The following PSMA5 variants were observed in gnomAD, a reference collection of about 807,000 sequenced individuals.
The protein encoded by PSMA5 is proteasome subunit alpha type-5.
Under a neutral mutation model 34.5 loss-of-function variants are expected in PSMA5, and 3 were observed. The ratio of observed to expected loss-of-function variants is 0.09; its 90% CI spans 0.04 to 0.22. The LOEUF (loss-of-function observed/expected upper bound fraction) is 0.22. PSMA5 is among the 10% of genes least tolerant of loss of function. The pLI, the probability that PSMA5 is intolerant of heterozygous loss-of-function variation, is 1.00. For synonymous variants in PSMA5, 88 were observed against 95.8 expected, an observed-to-expected ratio of 0.92 and a Z score of 0.47; for missense variants, 120 against 286.1, an observed-to-expected ratio of 0.42 and a Z score of 4.19.
At chr1:109,410,734 C>T (rs896779644) in intron 7 of PSMA5, among the ~76,000 whole-genome samples, 1 of 152,188 alleles carries the variant, frequency 6.6e-6, no homozygotes, top group African/African-American at 2.4e-5. Flanking sequence ...TTAAACAAAA[C>T]AGATACAAAC....
intron 2 of PSMA5, among the ~76,000 whole-genome samples, chr1:109,419,893 G>A (rs1571029525): frequency 6.7e-6 from 1 of 149,962 alleles, no homozygotes; most frequent in Admixed American, 6.6e-5. Context: ...AGGATCACTT[G>A]AGCCTGGTAG....
At chr1:109,402,931 C>T (rs1385032902) in intron 8 of PSMA5, among the ~76,000 whole-genome samples, 1 of 152,106 alleles carries the variant, frequency 6.6e-6, no homozygotes, top group African/African-American at 2.4e-5. Flanking sequence ...TCTCGAACTC[C>T]CAACCTCAGG....
chr1:109,413,777 A>G (rs2100964873), intron 3 of PSMA5, among the ~76,000 whole-genome samples: 1 of 152,344 alleles, frequency 6.6e-6, no homozygotes, highest in African/African-American at 2.4e-5. Context: ...TTTCCCTTCC[A>G]GACCCCGTCT....
At chr1:109,407,716 A>G (rs1653834883) in intron 8 of PSMA5, among the ~76,000 whole-genome samples, 1 of 152,082 alleles carries the variant, frequency 6.6e-6, no homozygotes, top group Admixed American at 6.6e-5. Flanking sequence ...ATCTCAGCTC[A>G]CTGCAACCTC....
At chr1:109,422,505 C>G (rs1557846031) in intron 1 of PSMA5, among the ~76,000 whole-genome samples, 1 of 137,290 alleles carries the variant, frequency 7.3e-6, no homozygotes, top group Non-Finnish European at 1.5e-5. Flanking sequence ...TTTTTTGAGA[C>G]AGAGTCTCGC....
intron 1 of PSMA5, among the ~76,000 whole-genome samples, chr1:109,424,945 C>A (rs1201250640): frequency 1.3e-5 from 2 of 152,168 alleles, no homozygotes; most frequent in African/African-American, 2.4e-5. Flanking sequence ...CGAGATCATG[C>A]CACTGCACTG....
chr1:109,426,007 C>T, intron 1 of PSMA5: 1 of 550,428 alleles, frequency 1.8e-6, no homozygotes, highest in Non-Finnish European at 3.3e-6. Flanking sequence ...TGGCCTTCTC[C>T]GGGTTCAAGG....
Position 109,412,125 on chromosome 1 carries a change from G to A in PSMA5, c.351C>T (p.Ser117=), listed in dbSNP as rs1442561153. The A allele has an allele frequency of 6.2e-7, 1 of 1,613,934 alleles. No homozygotes were observed. The highest frequency in any genetic ancestry group is 1.3e-5 in the African/African-American group (1 of 74,886). Residue 117 remains serine (S), a synonymous_variant, in exon 5 of 9, where the codon TCC becomes TCT. Transcript: ENST00000271308. ...MTVESVTQAV[S]NLALQFGEED... ...CTTCTCCAAACTGCAAAGCCAGATT[G>A]GACACAGCTTGGGTCACACTCTCCA...
In PSMA5 at chr1:109,401,205, T is replaced by G. The variant is rs547062979; in HGVS notation, c.*808A>C. The G allele has an allele frequency of 6.6e-6, 1 of 152,300 alleles. No homozygotes were observed. Among genetic ancestry groups the G allele is most frequent in the South Asian group, 2.1e-4 (1 of 4,782 alleles). The allele number at this position is 152,300 out of a possible 1,614,324, so 9.4% of individuals were successfully genotyped here. A position where few individuals can be genotyped will look rare whatever the true frequency, so the allele number is the denominator to read the frequency against. On this transcript the variant is annotated 3_prime_UTR_variant, in exon 9 of 9. Coordinates refer to ENST00000271308, the MANE Select transcript of PSMA5 (RefSeq NM_002790.4). ...CTGAATTTTACAATTCTCTTACTGATATAGAGATTTGTAATTGATTGCCAG... is the reference window on the plus strand; with the variant it reads ...CTGAATTTTACAATTCTCTTACTGAGATAGAGATTTGTAATTGATTGCCAG...
chr1:109,404,920 C>T (rs766139176), intron 8 of PSMA5, among the ~76,000 whole-genome samples: 1 of 152,116 alleles, frequency 6.6e-6, no homozygotes, highest in Non-Finnish European at 1.5e-5. Context: ...TCTGGAGGAG[C>T]CCAGGAAGGC....
chr1:109,410,500 T>C (rs1034724341), intron 7 of PSMA5, among the ~76,000 whole-genome samples: 3 of 152,198 alleles, frequency 2.0e-5, no homozygotes, highest in Non-Finnish European at 4.4e-5. Flanking sequence ...CCTGAATAAG[T>C]AGAGCAGCCT....
chr1:109,425,481 C>T (rs530643712), intron 1 of PSMA5: 48 of 152,276 alleles, frequency 3.2e-4, no homozygotes, highest in African/African-American at 1.1e-3. Context: ...AAAGTGGTAA[C>T]TGCAGGTGGT....
intron 2 of PSMA5, among the ~76,000 whole-genome samples, chr1:109,418,304 C>CT (rs1190518692): frequency 1.3e-5 from 2 of 152,048 alleles, no homozygotes; most frequent in African/African-American, 4.8e-5. Flanking sequence ...TCTAAACAAT[C>CT]TGACCAGTTC....
intron 8 of PSMA5, among the ~76,000 whole-genome samples, chr1:109,406,057 TTAGAAATA>T (rs1653745434): frequency 6.6e-6 from 1 of 152,276 alleles, no homozygotes; most frequent in East Asian, 1.9e-4. Flanking sequence ...TCAACCAAGA[TTAGAAATA>T]TGGGAAGATG....
At position 109,415,246 on chromosome 1, in the gene PSMA5, C is replaced by T. The variant is rs1226304542; in HGVS notation, c.214G>A (p.Ala72Thr). The T allele has an allele frequency of 6.2e-7, 1 of 1,613,438 alleles. No individual in the cohort carries two copies. Among genetic ancestry groups the T allele is most frequent in the Non-Finnish European group, 8.5e-7 (1 of 1,179,558 alleles). Residue 72 changes from alanine (A) to threonine (T), a missense_variant, in exon 3 of 9, where the codon GCT becomes ACT. Coordinates refer to ENST00000271308, the MANE Select transcript of PSMA5 (RefSeq NM_002790.4). ...SSIEKIVEID[A>T]HIGCAMSGLI... ...TTCCTCCACTCCTTACCTATGTGAGCATCAATCTCTACAATTTTCTCAATG... is the reference window on the plus strand; with the variant it reads ...TTCCTCCACTCCTTACCTATGTGAGTATCAATCTCTACAATTTTCTCAATG...
At position 109,418,056 on chromosome 1, in the gene PSMA5, T is replaced by C. The variant is rs537112166; in HGVS notation, c.97-2693A>G. Among the ~76,000 whole-genome samples, 14 of 151,872 alleles carry C rather than the reference T, an allele frequency of 9.2e-5. No homozygotes were observed. The East Asian group carries it at 2.7e-3, about 29-fold the overall frequency. ...CTGGGCAACATGGCAAAACTTTACC[T>C]CCACAAAAAATAAAAAAAAATAACT... On this transcript the variant is annotated intron_variant, in intron 2 of 8. Coordinates refer to ENST00000271308, the MANE Select transcript of PSMA5 (RefSeq NM_002790.4).
At position 109,415,909 on chromosome 1, in the gene PSMA5, G is replaced by GA. The variant is rs528653600; in HGVS notation, c.97-547dup. Among the ~76,000 whole-genome samples the GA allele has an allele frequency of 1.0e-3, 154 of 152,182 alleles. No homozygotes were observed. The Middle Eastern group carries it at 0.01, about 10-fold the overall frequency. On this transcript the variant is annotated intron_variant, in intron 2 of 8. Coordinates refer to ENST00000271308, the MANE Select transcript of PSMA5 (RefSeq NM_002790.4). ...AAAGGAAGGTAGGGAGGGACGAAAAGAACCACCACCATCATCACCACCAAC... is the reference window on the plus strand; with the variant it reads ...AAAGGAAGGTAGGGAGGGACGAAAAGAAACCACCACCATCATCACCACCAAC...
intron 1 of PSMA5, chr1:109,425,916 G>A (rs1008568957): frequency 1.9e-5 from 5 of 259,908 alleles, no homozygotes; most frequent in South Asian, 8.1e-5. Flanking sequence ...TTTCTTCCAG[G>A]AAGCACGTTT....
Position 109,399,594 on chromosome 1 carries a change from TTA to T in PSMA5, c.*2417_*2418del, listed in dbSNP as rs1454008403. On this transcript the variant is annotated 3_prime_UTR_variant, in exon 9 of 9. Transcript: ENST00000271308. Reference sequence around the variant, plus strand: ...TTACCAAATACACTTTTAAACGCTATTAAATTTGTTCCAATTATCTGTACCTT... The same window carrying T: ...TTACCAAATACACTTTTAAACGCTATAATTTGTTCCAATTATCTGTACCTT... 6.6e-6 allele frequency: 1 copy of T among 152,240 alleles called. No homozygotes were observed. Among genetic ancestry groups the T allele is most frequent in the Non-Finnish European group, 1.5e-5 (1 of 68,044 alleles). The allele number at this position is 152,240 out of a possible 1,614,324, so 9.4% of individuals were successfully genotyped here. A position where few individuals can be genotyped will look rare whatever the true frequency, so the allele number is the denominator to read the frequency against.
Sources: allele counts gnomAD v4.1 joint callset (sites outside exome capture counted in the v4.1 genomes callset), GRCh38; gene constraint gnomAD v4.1.1; transcripts MANE v1.5; gene names NCBI Gene and HGNC (gene_info 2026-07-23, HGNC 2026-07-21).